The following PARD3B variants were observed in gnomAD, a reference collection of about 807,000 sequenced individuals.
The protein encoded by PARD3B is partitioning defective 3 homolog B.
In PARD3B, 103 loss-of-function variants were observed where a neutral mutation model predicts 130.2. The observed-to-expected ratio is 0.79, with a 90% CI of 0.67 to 0.93. The LOEUF (loss-of-function observed/expected upper bound fraction) is 0.93. Among genes scored for constraint, PARD3B ranks in the 40% least tolerant of loss-of-function variants. The probability of loss-of-function intolerance (pLI) is 0.00; values close to 1 mark genes in which losing one functional copy is unlikely to be tolerated. For missense variants in PARD3B, 1,609 were observed against 1,499.2 expected (o/e 1.07, Z -1.21); for synonymous variants, 583 against 553.2 (o/e 1.05, Z -0.76).
intron 2 of PARD3B, among the ~76,000 whole-genome samples, chr2:204,938,205 A>G (rs936788001): frequency 2.0e-4 from 31 of 152,240 alleles, no homozygotes; most frequent in Admixed American, 2.0e-3. Context: ...ACAGTAATGT[A>G]TCAAGTGGCT....
At chr2:205,317,306 T>G (rs998465644) in intron 18 of PARD3B, among the ~76,000 whole-genome samples, 5 of 152,198 alleles carry the variant, frequency 3.3e-5, no homozygotes, top group African/African-American at 1.2e-4. Flanking sequence ...ATCATCATGG[T>G]CATCATGTAT....
intron 3 of PARD3B, among the ~76,000 whole-genome samples, chr2:205,030,404 A>G (rs1206353862): frequency 2.0e-5 from 3 of 152,180 alleles, no homozygotes; most frequent in Non-Finnish European, 4.4e-5. Flanking sequence ...TGAATGCTGA[A>G]AAGTTGTTAG....
At chr2:205,311,712 A>G (rs1410281870) in intron 18 of PARD3B, among the ~76,000 whole-genome samples, 1 of 152,206 alleles carries the variant, frequency 6.6e-6, no homozygotes, top group Non-Finnish European at 1.5e-5. Context: ...TCATTCAATC[A>G]TTTATATTTT....
chr2:205,300,488 C>A lies in PARD3B; in HGVS notation c.2186-42C>A. ...AGAACAATAGCATTACACCACACTG[C>A]CCCATTAGAAGAGGGGTGACCTTTT... is the stretch of plus-strand genomic sequence containing the variant. On this transcript the variant is annotated intron_variant, in intron 16 of 22. Coordinates refer to ENST00000406610, the MANE Select transcript of PARD3B (RefSeq NM_001302769.2). The surrounding 1 kb of genome is among the most constrained non-coding windows in gnomAD (Gnocchi z 4.1). 6.7e-7 allele frequency: 1 copy of A among 1,500,826 alleles called. No homozygotes were observed. The highest frequency in any genetic ancestry group is 9.3e-7 in the Non-Finnish European group (1 of 1,079,028). 93.0% of individuals were successfully genotyped at this position (1,500,826 alleles called of 1,614,324 possible). A position where few individuals can be genotyped will look rare whatever the true frequency, so the allele number is the denominator to read the frequency against.
intron 22 of PARD3B, among the ~76,000 whole-genome samples, chr2:205,612,904 G>T (rs946999518): frequency 6.6e-6 from 1 of 152,174 alleles, no homozygotes; most frequent in Non-Finnish European, 1.5e-5. Context: ...TGCCTGGGAG[G>T]AGCAAGGTGT....
At chr2:205,378,877 G>A (rs1051925824) in intron 18 of PARD3B, among the ~76,000 whole-genome samples, 2 of 151,634 alleles carry the variant, frequency 1.3e-5, no homozygotes, top group Admixed American at 6.6e-5. Flanking sequence ...TGATCTGCCC[G>A]CCTCGGCCTC....
At position 205,345,405 on chromosome 2, in the gene PARD3B, C is replaced by T. The variant is rs907828657; in HGVS notation, c.2630+43704C>T. Among the ~76,000 whole-genome samples, 21 of 152,092 alleles carry T rather than the reference C, an allele frequency of 1.4e-4. 1 individual carries two copies. The highest frequency in any genetic ancestry group is 4.8e-4 in the African/African-American group (20 of 41,538). On this transcript the variant is annotated intron_variant, in intron 18 of 22. Transcript: ENST00000406610. ...TCTTCTGGGTATAGGAGATATCTCT[C>T]GAATGAGAATTTTATGACCTTCTTC...
chr2:205,531,810 A>G (rs901298818), intron 21 of PARD3B, among the ~76,000 whole-genome samples: 16 of 152,228 alleles, frequency 1.1e-4, no homozygotes, highest in Non-Finnish European at 2.2e-4. Context: ...TCTGATGCAT[A>G]TGGATGATCT....
At chr2:205,138,110 G>A (rs748271381) in intron 10 of PARD3B, among the ~76,000 whole-genome samples, 6 of 152,186 alleles carry the variant, frequency 3.9e-5, no homozygotes, top group Non-Finnish European at 7.3e-5. Context: ...ATCAGCCCAG[G>A]ACTGTCAGTA....
intron 19 of PARD3B, among the ~76,000 whole-genome samples, chr2:205,412,566 G>A (rs369816706): frequency 6.6e-6 from 1 of 152,196 alleles, no homozygotes; most frequent in South Asian, 2.1e-4. Context: ...ACTTTCAGTG[G>A]CTCTCTATTG....
In PARD3B at chr2:205,121,527, G is replaced by T; in HGVS notation, c.807-64G>T. On this transcript the variant is annotated intron_variant, in intron 7 of 22. Coordinates refer to ENST00000406610, the MANE Select transcript of PARD3B (RefSeq NM_001302769.2). The surrounding 1 kb of genome is among the most constrained non-coding windows in gnomAD (Gnocchi z 5.0). Reference sequence around the variant, plus strand: ...CTGCTCTTGGTTGCCATCCTCCTGGGGTACTTTAGAAGATGCTGCACCTCA... The same window carrying T: ...CTGCTCTTGGTTGCCATCCTCCTGGTGTACTTTAGAAGATGCTGCACCTCA... The T allele has an allele frequency of 7.1e-7, 1 of 1,411,318 alleles. No homozygotes were observed. Among genetic ancestry groups the T allele is most frequent in the Non-Finnish European group, 9.9e-7 (1 of 1,015,036 alleles). 87.4% of individuals were successfully genotyped at this position (1,411,318 alleles called of 1,614,324 possible).
chr2:205,137,862 C>T (rs2032618978), intron 10 of PARD3B, among the ~76,000 whole-genome samples: 2 of 152,166 alleles, frequency 1.3e-5, no homozygotes, highest in African/African-American at 4.8e-5. Context: ...ATGTAGGGCT[C>T]ATAAGTCTTA....
intron 2 of PARD3B, among the ~76,000 whole-genome samples, chr2:204,962,784 G>A (rs1690863887): frequency 6.6e-6 from 1 of 152,150 alleles, no homozygotes; most frequent in Non-Finnish European, 1.5e-5. Context: ...AAGCAACCAT[G>A]GGAGCCATGA....
intron 20 of PARD3B, among the ~76,000 whole-genome samples, chr2:205,467,173 T>C (rs527261063): frequency 2.1e-4 from 32 of 152,378 alleles, no homozygotes; most frequent in African/African-American, 7.5e-4. Flanking sequence ...TGACCTTTTT[T>C]TGACCAACAG....
At chr2:204,618,047 A>G (rs1402995631) in intron 1 of PARD3B, among the ~76,000 whole-genome samples, 1 of 152,174 alleles carries the variant, frequency 6.6e-6, no homozygotes, top group Non-Finnish European at 1.5e-5. Flanking sequence ...TTCTATTTCC[A>G]ACATTTTTAA....
chr2:205,056,194 T>C (rs1049131259), intron 4 of PARD3B, among the ~76,000 whole-genome samples: 3 of 151,760 alleles, frequency 2.0e-5, no homozygotes, highest in African/African-American at 7.3e-5. Context: ...TAGAACTCTC[T>C]TACGATAGGG....
At chr2:204,622,568 T>C (rs2034342591) in intron 1 of PARD3B, among the ~76,000 whole-genome samples, 1 of 151,906 alleles carries the variant, frequency 6.6e-6, no homozygotes, top group Non-Finnish European at 1.5e-5. Context: ...ATAATATTAA[T>C]TCATTTTATA....
chr2:204,807,127 G>T (rs550859147), intron 2 of PARD3B, among the ~76,000 whole-genome samples: 1 of 152,154 alleles, frequency 6.6e-6, no homozygotes, highest in Admixed American at 6.6e-5. Context: ...AGACTTATTC[G>T]CTCTCATGAG....
chr2:205,182,446 G>C (rs1373100078), intron 13 of PARD3B, among the ~76,000 whole-genome samples: 1 of 151,958 alleles, frequency 6.6e-6, no homozygotes, highest in African/African-American at 2.4e-5. Flanking sequence ...TGGTTCACAT[G>C]AGTGTAATAA....
Sources: allele counts gnomAD v4.1 joint callset (sites outside exome capture counted in the v4.1 genomes callset), GRCh38; gene constraint gnomAD v4.1.1; non-coding constraint Gnocchi (gnomAD v3.1); transcripts MANE v1.5; gene names NCBI Gene and HGNC (gene_info 2026-07-23, HGNC 2026-07-21).